Variants in ANKRD11 observed in about 807,000 individuals in gnomAD.
The protein encoded by ANKRD11 is ankyrin repeat domain 11, also known as ankyrin repeat domain-containing protein 11.
A neutral mutation model predicts 195.7 loss-of-function variants in ANKRD11; 17 were observed. The observed-to-expected ratio is 0.09, with a 90% CI of 0.06 to 0.13. The LOEUF is 0.13. Ranked by LOEUF, ANKRD11 falls within the 10% of genes least tolerant of loss-of-function variation. The probability of loss-of-function intolerance (pLI) is 1.00; values close to 1 mark genes in which losing one functional copy is unlikely to be tolerated. For missense variants in ANKRD11, 3,735 were observed against 3,566.1 expected (o/e 1.05, Z -1.21); for synonymous variants, 1,953 against 1,528.1 (o/e 1.28, Z -6.49).
At position 89,282,717 on chromosome 16, in the gene ANKRD11, G is replaced by A. The variant is rs143240956; in HGVS notation, c.3825C>T (p.Asp1275=). The change falls in exon 9 of 13, where the codon GAC becomes GAT. Residue 1275 remains aspartate (D), a synonymous_variant. Coordinates refer to ENST00000301030, the MANE Select transcript of ANKRD11 (RefSeq NM_013275.6). The part of the protein sequence containing the change: ...SKERKSSRSA[D]AEKSLLEKLE... ...ACTTTTCAAGCAGGCTTTTTTCCGC[G>A]TCGGCACTTCTCGAGGACTTCCTCT... 56 of 1,613,788 alleles carry A rather than the reference G, an allele frequency of 3.5e-5. No individual in the cohort carries two copies. The highest frequency in any genetic ancestry group is 1.0e-4 in the Admixed American group (6 of 59,998).
rs531520877 is a variant in ANKRD11, at chr16:89,285,134, C to T, written c.1408G>A (p.Gly470Arg). 3 of 1,613,620 alleles carry T rather than the reference C, an allele frequency of 1.9e-6. No homozygotes were observed. Among genetic ancestry groups the T allele is most frequent in the South Asian group, 1.1e-5 (1 of 91,088 alleles). The change falls in exon 9 of 13, where the codon GGA becomes AGA. Residue 470 changes from glycine to arginine, a missense_variant. By Grantham distance (125) the Gly-to-Arg change is moderately radical. Coordinates refer to ENST00000301030, the MANE Select transcript of ANKRD11 (RefSeq NM_013275.6). This position sits in a 1 kb window ranked among gnomAD's most constrained non-coding sequence, Gnocchi z 5.6. ...KETKGREVRFGKRSDKFCSSE... is the reference protein window; with the variant it reads ...KETKGREVRFRKRSDKFCSSE... ...GAGCAGAACTTGTCGCTCCGCTTTC[C>T]GAAGCGAACCTCTCTGCCTTTTGTT...
At chr16:89,461,062 C>T (rs1298091740) in intron 1 of ANKRD11, among the ~76,000 whole-genome samples, 1 of 133,902 alleles carries the variant, frequency 7.5e-6, no homozygotes, top group African/African-American at 2.8e-5. Flanking sequence ...GCAGGAGACG[C>T]ACCTTGAGTG....
intron 7 of ANKRD11, chr16:89,286,788 A>G (rs2151773202): frequency 7.8e-7 from 1 of 1,287,264 alleles, no homozygotes; most frequent in East Asian, 5.5e-5. Context: ...AGCTCTTTTC[A>G]GCTGTTCATC....
chr16:89,449,793 CA>C (rs528202424), intron 1 of ANKRD11, among the ~76,000 whole-genome samples: 1 of 151,586 alleles, frequency 6.6e-6, no homozygotes, highest in African/African-American at 2.4e-5. Flanking sequence ...AACTCCATCT[CA>C]AAAAAAAGAA....
intron 2 of ANKRD11, among the ~76,000 whole-genome samples, chr16:89,413,806 T>C (rs1379147879): frequency 1.3e-5 from 2 of 151,914 alleles, no homozygotes. Flanking sequence ...GACTCTGCAC[T>C]CCCACAACGC....
In ANKRD11 at chr16:89,291,021, T is replaced by C. The variant is rs745320027; in HGVS notation, c.389A>G (p.Asn130Ser). Residue 130 changes from asparagine (N) to serine (S), a missense_variant, in exon 5 of 13, where the codon AAC becomes AGC. Asn to Ser is a conservative substitution (Grantham distance 46). Coordinates refer to ENST00000301030, the MANE Select transcript of ANKRD11 (RefSeq NM_013275.6). This position sits in a 1 kb window ranked among gnomAD's most constrained non-coding sequence, Gnocchi z 5.3. The stretch of plus-strand genomic sequence containing the variant: ...CCACAGGCCGGGCTCACCTGGGCTG[T>C]TGGCAGACTCCTCGGCCGTCATCTG... ...LMQMTAEESA[N>S]SPVDTTPKHP... is the part of the protein sequence containing the mutation. 1.6e-5 allele frequency: 25 copies of C among 1,611,660 alleles called. No individual in the cohort carries two copies. In the East Asian group the frequency reaches 2.0e-4, roughly 13 times the overall value.
intron 2 of ANKRD11, among the ~76,000 whole-genome samples, chr16:89,329,414 A>AAAAACAC (rs1300365927): frequency 6.6e-6 from 1 of 152,240 alleles, no homozygotes; most frequent in Non-Finnish European, 1.5e-5. Flanking sequence ...AAAAGGGAGA[A>AAAAACAC]AAAACACAAG....
intron 11 of ANKRD11, chr16:89,272,765 C>G (rs2033276929): frequency 1.3e-5 from 2 of 152,140 alleles, no homozygotes; most frequent in Admixed American, 1.3e-4. Flanking sequence ...TGTCCATCAA[C>G]AGATGAATGG....
chr16:89,444,681 C>A (rs1375509597), intron 1 of ANKRD11, among the ~76,000 whole-genome samples: 1 of 152,178 alleles, frequency 6.6e-6, no homozygotes, highest in Non-Finnish European at 1.5e-5. Context: ...CATAGTGGCT[C>A]ACGCTTGTAA....
chr16:89,407,672 C>CAG (rs911377777), intron 2 of ANKRD11, among the ~76,000 whole-genome samples: 2 of 151,970 alleles, frequency 1.3e-5, no homozygotes, highest in African/African-American at 4.8e-5. Flanking sequence ...CACACATACA[C>CAG]ACACACACAC....
At chr16:89,324,297 A>C in intron 2 of ANKRD11, 2 of 1,264,238 alleles carry the variant, frequency 1.6e-6, no homozygotes, top group South Asian at 1.3e-5. Flanking sequence ...AACACGGACC[A>C]CCCGACAGGA....
At chr16:89,482,074 G>A (rs968808753) in intron 1 of ANKRD11, among the ~76,000 whole-genome samples, 2 of 152,154 alleles carry the variant, frequency 1.3e-5, no homozygotes, top group Admixed American at 1.3e-4. Flanking sequence ...CAGAACAGGA[G>A]GCCACAGCAC....
At position 89,268,793 on chromosome 16, in the gene ANKRD11, C is replaced by T. The variant is rs2032862159; in HGVS notation, c.7807-130G>A. On this transcript the variant is annotated intron_variant, in intron 12 of 12. Coordinates refer to ENST00000301030, the MANE Select transcript of ANKRD11 (RefSeq NM_013275.6). The stretch of plus-strand genomic sequence containing the variant: ...AACCTACCCTGGTATGGGCCAGGCC[C>T]AGCTGTACCCGCTCCTGGCATCTAG... 3.9e-6 allele frequency: 4 copies of T among 1,034,146 alleles called. No individual in the cohort carries two copies. In the South Asian group the frequency reaches 6.2e-5, roughly 16 times the overall value. 64.1% of individuals were successfully genotyped at this position (1,034,146 alleles called of 1,614,324 possible). A position where few individuals can be genotyped will look rare whatever the true frequency, so the allele number is the denominator to read the frequency against.
chr16:89,466,264 T>G (rs2056881786), intron 1 of ANKRD11, among the ~76,000 whole-genome samples: 1 of 151,808 alleles, frequency 6.6e-6, no homozygotes, highest in Non-Finnish European at 1.5e-5. Context: ...CCCAAAAGAC[T>G]TAATTCTCAT....
chr16:89,475,584 A>T (rs1451871686), intron 1 of ANKRD11, among the ~76,000 whole-genome samples: 1 of 152,104 alleles, frequency 6.6e-6, no homozygotes, highest in Non-Finnish European at 1.5e-5. Flanking sequence ...ACAAAAGATA[A>T]TTTTTCCTAA....
At chr16:89,486,312 A>G (rs1163441721) in intron 1 of ANKRD11, among the ~76,000 whole-genome samples, 1 of 152,014 alleles carries the variant, frequency 6.6e-6, no homozygotes, top group Non-Finnish European at 1.5e-5. Context: ...ACGGCGGCAC[A>G]TGCCTGTGGT....
Position 89,337,426 on chromosome 16 carries a change from A to ATTTTTT in ANKRD11, c.-59-20349_-59-20348insAAAAAA, listed in dbSNP as rs763560924. ...ACAATACATGAACATGGTCTAAGCA[A>ATTTTTT]TTCTTTTTTTTTTTTTTTTTTTTTT... On this transcript the variant is annotated intron_variant, in intron 2 of 12. Transcript: ENST00000301030. 7.3e-4 allele frequency among the ~76,000 whole-genome samples: 32 copies of ATTTTTT among 43,746 alleles called. 1 individual carries two copies. Among genetic ancestry groups the ATTTTTT allele is most frequent in the South Asian group, 1.1e-3 (1 of 928 alleles). 28.7% of individuals were successfully genotyped at this position (43,746 alleles called of 152,430 possible).
intron 12 of ANKRD11, chr16:89,270,512 A>T (rs2033049510): frequency 2.3e-6 from 1 of 437,862 alleles, no homozygotes; most frequent in Non-Finnish European, 4.3e-6. Flanking sequence ...CTGGGACCTT[A>T]GAGGGGGCTC....
chr16:89,272,320 T>G (rs2033233179), intron 11 of ANKRD11: 1 of 152,252 alleles, frequency 6.6e-6, no homozygotes, highest in Admixed American at 6.5e-5. Context: ...ACAGCCGCCG[T>G]GGAGAACAGT....
Sources: gnomAD v4.1 joint callset for allele counts (sites outside exome capture counted in the v4.1 genomes callset) on GRCh38, gnomAD v4.1.1 for gene constraint, Gnocchi (gnomAD v3.1) non-coding constraint, MANE v1.5 for transcripts, NCBI Gene and HGNC (gene_info 2026-07-23, HGNC 2026-07-21) for gene names.